RNF111: variants seen among roughly 807,000 people sequenced by gnomAD.
The protein encoded by RNF111 is E3 ubiquitin-protein ligase Arkadia.
In RNF111, 17 loss-of-function variants were observed where a neutral mutation model predicts 95.1. That is an observed-to-expected ratio of 0.18 (90% CI 0.12 to 0.27). The LOEUF (loss-of-function observed/expected upper bound fraction) is 0.27, where lower values mean the gene tolerates loss of function less well. RNF111 is among the 10% of genes least tolerant of loss of function. The pLI, the probability that RNF111 is intolerant of heterozygous loss-of-function variation, is 1.00. For missense variants in RNF111, 1,189 were observed against 1,210.4 expected (o/e 0.98, Z 0.26); for synonymous variants, 440 against 414.8 (o/e 1.06, Z -0.74).
At chr15:59,061,414 G>T (rs2042432652) in intron 5 of RNF111, among the ~76,000 whole-genome samples, 2 of 151,984 alleles carry the variant, frequency 1.3e-5, no homozygotes, top group African/African-American at 4.8e-5. Flanking sequence ...TCGAATCCTG[G>T]GCTTTCTGTA....
intron 6 of RNF111, among the ~76,000 whole-genome samples, chr15:59,069,086 A>AC (rs1485031965): frequency 8.6e-5 from 13 of 152,024 alleles, no homozygotes; most frequent in Non-Finnish European, 1.8e-4. Context: ...AAAAAAAAAA[A>AC]AAAAAAAGGA....
chr15:59,008,882 T>C (rs1454274414), intron 1 of RNF111, among the ~76,000 whole-genome samples: 1 of 152,234 alleles, frequency 6.6e-6, no homozygotes, highest in African/African-American at 2.4e-5. Flanking sequence ...GTATGTATAA[T>C]ATGAGAAACT....
intron 1 of RNF111, among the ~76,000 whole-genome samples, chr15:59,005,436 A>G (rs2039498985): frequency 6.6e-6 from 1 of 152,268 alleles, no homozygotes; most frequent in Non-Finnish European, 1.5e-5. Context: ...TCATTCAAAG[A>G]GAAATTGTTT....
intron 1 of RNF111, among the ~76,000 whole-genome samples, chr15:59,019,105 A>ATTTTTTTT (rs35154303): frequency 6.1e-4 from 74 of 121,250 alleles, no homozygotes; most frequent in Non-Finnish European, 8.0e-4. Context: ...GTATTTTTGT[A>ATTTTTTTT]TTTTTTTTTT....
intron 5 of RNF111, among the ~76,000 whole-genome samples, chr15:59,059,896 A>G (rs188950704): frequency 6.6e-5 from 10 of 152,282 alleles, no homozygotes; most frequent in African/African-American, 1.9e-4. Context: ...TATATTTTCT[A>G]TCCCTTTTTG....
At chr15:59,042,285 C>T (rs1442491808) in intron 2 of RNF111, among the ~76,000 whole-genome samples, 1 of 151,976 alleles carries the variant, frequency 6.6e-6, no homozygotes, top group Non-Finnish European at 1.5e-5. Flanking sequence ...CACCCCCACG[C>T]CTGGCTAATT....
At chr15:59,025,796 T>C (rs1200022628) in intron 1 of RNF111, among the ~76,000 whole-genome samples, 4 of 152,070 alleles carry the variant, frequency 2.6e-5, no homozygotes, top group African/African-American at 9.7e-5. Flanking sequence ...AATGGCGCGA[T>C]CTCGGCTCAC....
In RNF111 at chr15:59,031,321, C is replaced by A. The variant is rs1340375255; in HGVS notation, c.499C>A (p.Gln167Lys). 6.2e-7 allele frequency: 1 copy of A among 1,613,996 alleles called. No homozygotes were observed. Among genetic ancestry groups the A allele is most frequent in the Non-Finnish European group, 8.5e-7 (1 of 1,180,012 alleles). Residue 167 changes from glutamine to lysine, a missense_variant, in exon 2 of 14, where the codon CAG becomes AAG. Physicochemically the swap from Gln to Lys is moderately conservative, Grantham distance 53. Around this residue, in one of 2 missense-constraint regions of RNF111, gnomAD observed 1,024 missense variants for 925.9 expected, o/e 1.11. Transcript: ENST00000348370. ...EDKEVSVRHS[Q>K]TILNAKSRSH... Reference sequence around the variant, plus strand: ...TAAAGAAGTCTCTGTAAGACATTCCCAGACCATTTTGAATGCTAAAAGTAG... The same window carrying A: ...TAAAGAAGTCTCTGTAAGACATTCCAAGACCATTTTGAATGCTAAAAGTAG...
intron 1 of RNF111, among the ~76,000 whole-genome samples, chr15:59,001,797 G>T (rs955941272): frequency 5.3e-5 from 8 of 152,106 alleles, no homozygotes; most frequent in African/African-American, 1.9e-4. Flanking sequence ...ACTAAGTACA[G>T]TAGTCCTCCC....
At chr15:58,994,339 A>G (rs1166445013) in intron 1 of RNF111, among the ~76,000 whole-genome samples, 1 of 151,388 alleles carries the variant, frequency 6.6e-6, no homozygotes, top group Non-Finnish European at 1.5e-5. Context: ...ACGCCTGGCT[A>G]CTTACATTTT....
At chr15:59,009,663 A>G (rs976158553) in intron 1 of RNF111, among the ~76,000 whole-genome samples, 4 of 152,002 alleles carry the variant, frequency 2.6e-5, no homozygotes, top group African/African-American at 9.7e-5. Flanking sequence ...ACTCAAGGAA[A>G]TTATTCAGTG....
chr15:58,992,981 C>G (rs1284551925), intron 1 of RNF111, among the ~76,000 whole-genome samples: 1 of 152,028 alleles, frequency 6.6e-6, no homozygotes, highest in African/African-American at 2.4e-5. Context: ...CCAGCCTGCC[C>G]AACGTGGCAA....
chr15:59,084,531 G>C (rs570475944), intron 9 of RNF111, among the ~76,000 whole-genome samples: 12 of 152,248 alleles, frequency 7.9e-5, no homozygotes, highest in African/African-American at 2.9e-4. Context: ...GTACAGCATA[G>C]TATTTCAATA....
chr15:59,026,313 A>G (rs1466544841), intron 1 of RNF111, among the ~76,000 whole-genome samples: 5 of 151,736 alleles, frequency 3.3e-5, no homozygotes, highest in Non-Finnish European at 7.4e-5. Context: ...TAGCTATCGT[A>G]TTTTCTTAGT....
intron 12 of RNF111, 33 bp from the exon 13 acceptor site, chr15:59,092,504 A>C (rs1186519286): frequency 1.3e-6 from 2 of 1,596,502 alleles, no homozygotes; most frequent in Non-Finnish European, 1.7e-6. Context: ...TGTCATCTCT[A>C]CTAATAAGGT....
chr15:58,997,773 G>A (rs113077756), intron 1 of RNF111, among the ~76,000 whole-genome samples: 75 of 149,176 alleles, frequency 5.0e-4, no homozygotes, highest in African/African-American at 1.6e-3. Context: ...CCAAGATTGC[G>A]CCACTGCACT....
At chr15:59,052,569 A>ATTTT (rs768761060) in intron 3 of RNF111, 138 bp downstream of exon 3, 35 of 249,194 alleles carry the variant, frequency 1.4e-4, no homozygotes, top group African/African-American at 4.9e-4. Flanking sequence ...AGATTAGTGG[A>ATTTT]TTTTTTTTTT....
Position 59,059,819 on chromosome 15 carries a change from C to G in RNF111, c.1366+1269C>G, listed in dbSNP as rs80164809. Among the ~76,000 whole-genome samples the G allele has an allele frequency of 8.8e-3, 1,340 of 152,276 alleles. 15 individuals are homozygous for G. Among genetic ancestry groups the G allele is most frequent in the Non-Finnish European group, 0.014 (928 of 68,028 alleles). ...AGATAGGAACTTGCTAACTGCTTAC[C>G]AATAGGGACACTGTAGACCCTGTAG... On this transcript the variant is annotated intron_variant, in intron 5 of 13. Transcript: ENST00000348370.
intron 6 of RNF111, among the ~76,000 whole-genome samples, chr15:59,073,324 A>C (rs543679608): frequency 3.3e-5 from 5 of 152,068 alleles, no homozygotes; most frequent in African/African-American, 1.2e-4. Context: ...AAAATACAAA[A>C]ATACAAAAAT....
Sources: allele counts gnomAD v4.1 joint callset (sites outside exome capture counted in the v4.1 genomes callset), GRCh38; gene constraint gnomAD v4.1.1; regional missense constraint gnomAD v4.1.1; transcripts MANE v1.5; gene names NCBI Gene and HGNC (gene_info 2026-07-23, HGNC 2026-07-21).